Variants in EFCAB8 observed in about 807,000 individuals in gnomAD.
EFCAB8 encodes the protein EF-hand calcium-binding domain-containing protein 8.
A neutral mutation model predicts 116.3 loss-of-function variants in EFCAB8; 100 were observed. The observed-to-expected ratio is 0.86, with a 90% CI of 0.73 to 1.02. The LOEUF is 1.02. Ranked by LOEUF, EFCAB8 falls within the 50% of genes least tolerant of loss-of-function variation. The pLI is 0.00. For missense variants in EFCAB8, 1,320 were observed against 1,416.9 expected (o/e 0.93, Z 1.10); for synonymous variants, 558 against 567.9 (o/e 0.98, Z 0.25).
At chr20:32,925,737 C>T (rs973425067) in intron 20 of EFCAB8, among the ~76,000 whole-genome samples, 2 of 152,234 alleles carry the variant, frequency 1.3e-5, no homozygotes, top group African/African-American at 4.8e-5. Context: ...AAAATTGCTC[C>T]AAGTTACATG....
chr20:32,874,045 C>A lies in EFCAB8; in HGVS notation c.209-1881C>A, dbSNP rs552093560. On this transcript the variant is annotated intron_variant, in intron 3 of 26. Coordinates refer to ENST00000400522, the MANE Select transcript of EFCAB8 (RefSeq NM_001143967.2). ...AAGCAATCCTCCCAGCTCAACCTCC[C>A]CAGTAGTTGGGACTACAGGCATGTG... Among the ~76,000 whole-genome samples the A allele has an allele frequency of 3.0e-4, 46 of 151,984 alleles. 1 individual carries two copies. The highest frequency in any genetic ancestry group is 1.1e-3 in the African/African-American group (45 of 41,366).
chr20:32,918,659 T>C (rs1987314143), intron 19 of EFCAB8, 85 bp downstream of exon 19: 3 of 1,365,106 alleles, frequency 2.2e-6, no homozygotes, highest in Admixed American at 2.0e-5. Flanking sequence ...GTTTTCTTAT[T>C]GGGATGTACT....
intron 4 of EFCAB8, 26 bp downstream of exon 4, chr20:32,876,070 A>C: frequency 6.5e-7 from 1 of 1,540,682 alleles, no homozygotes. Flanking sequence ...CTGCTTCCTC[A>C]GGTGCTGGAG....
chr20:32,926,218 T>G lies in EFCAB8; in HGVS notation c.2413-4180T>G, dbSNP rs537930818. On this transcript the variant is annotated intron_variant, in intron 20 of 26. Coordinates refer to ENST00000400522, the MANE Select transcript of EFCAB8 (RefSeq NM_001143967.2). ...AGACATGGGAGAACTTTGTGGTGCATCACTTTGGTGAATCCTGTGCAGTTA... is the reference window on the plus strand; with the variant it reads ...AGACATGGGAGAACTTTGTGGTGCAGCACTTTGGTGAATCCTGTGCAGTTA... Among the ~76,000 whole-genome samples, 14 of 152,350 alleles carry G rather than the reference T, an allele frequency of 9.2e-5. No homozygotes were observed. In the East Asian group the frequency reaches 2.7e-3, roughly 29 times the overall value.
At chr20:32,922,561 T>G (rs149280550) in intron 20 of EFCAB8, among the ~76,000 whole-genome samples, 1 of 151,710 alleles carries the variant, frequency 6.6e-6, no homozygotes, top group African/African-American at 2.4e-5. Flanking sequence ...TGTCACAGAG[T>G]GAGTGAGGAC....
At chr20:32,930,275 C>T (rs1342694788) in intron 20 of EFCAB8, 123 bp from the exon 21 acceptor site, 7 of 772,250 alleles carry the variant, frequency 9.1e-6, no homozygotes, top group Non-Finnish European at 1.0e-5. Flanking sequence ...CCACCATCAC[C>T]ACTTTCACTG....
At chr20:32,877,207 C>CTTTTTTTTTTTTTT (rs757130907) in intron 4 of EFCAB8, among the ~76,000 whole-genome samples, 16 of 115,052 alleles carry the variant, frequency 1.4e-4, no homozygotes, top group Non-Finnish European at 2.5e-4. Context: ...TTATTTCTTT[C>CTTTTTTTTTTTTTT]TTTTTTTTTT....
At chr20:32,938,487 G>A (rs1988208156) in intron 22 of EFCAB8, among the ~76,000 whole-genome samples, 1 of 149,660 alleles carries the variant, frequency 6.7e-6, no homozygotes, top group African/African-American at 2.5e-5. Flanking sequence ...ATCTATATTG[G>A]GGAGGAAGAA....
chr20:32,872,433 G>A (rs1193723502), intron 3 of EFCAB8, among the ~76,000 whole-genome samples: 1 of 152,160 alleles, frequency 6.6e-6, no homozygotes, highest in Admixed American at 6.5e-5. Flanking sequence ...TGGGGCAACA[G>A]GCTCATGCCT....
intron 20 of EFCAB8, among the ~76,000 whole-genome samples, chr20:32,926,641 C>T (rs900356199): frequency 6.9e-6 from 1 of 144,622 alleles, no homozygotes; most frequent in African/African-American, 2.6e-5. Flanking sequence ...GGTATATCTC[C>T]CAATGCTATC....
chr20:32,928,540 G>A lies in EFCAB8; in HGVS notation c.2413-1858G>A, dbSNP rs574000392. 3.1e-4 allele frequency among the ~76,000 whole-genome samples: 47 copies of A among 152,218 alleles called. No individual in the cohort carries two copies. The South Asian group carries it at 9.1e-3, about 30-fold the overall frequency. ...ATGAGCCACCGCACCCAGCCAATGC[G>A]ACTGATTTTTATGTGTTGACTTTGT... On this transcript the variant is annotated intron_variant, in intron 20 of 26. Transcript: ENST00000400522.
chr20:32,920,503 A>G (rs1987399107), intron 20 of EFCAB8, among the ~76,000 whole-genome samples: 1 of 152,218 alleles, frequency 6.6e-6, no homozygotes, highest in East Asian at 1.9e-4. Context: ...TGGCTGGGGA[A>G]GACCTCACAA....
chr20:32,878,660 A>T, intron 4 of EFCAB8, 44 bp from the exon 5 acceptor site: 1 of 1,489,438 alleles, frequency 6.7e-7, no homozygotes. Context: ...GGCTGAGACC[A>T]TTTTGCCAAT....
chr20:32,860,393 A>AT (rs992704470), intron 1 of EFCAB8, among the ~76,000 whole-genome samples: 22 of 145,936 alleles, frequency 1.5e-4, no homozygotes, highest in African/African-American at 3.4e-4. Context: ...CAGATCATGT[A>AT]TTTTTTTGGC....
chr20:32,878,316 C>T (rs1368858959), intron 4 of EFCAB8, among the ~76,000 whole-genome samples: 1 of 151,766 alleles, frequency 6.6e-6, no homozygotes, highest in African/African-American at 2.4e-5. Flanking sequence ...ATAATCCCAG[C>T]ACTTTGGGAG....
Position 32,961,649 on chromosome 20 carries a change from C to T in EFCAB8, c.*40C>T, listed in dbSNP as rs938963125. ...TTCTCTAGTCCTCCAGCAGGGCAACCAGGCCCATGGCGGTCCTGCATGTTC... is the reference window on the plus strand; with the variant it reads ...TTCTCTAGTCCTCCAGCAGGGCAACTAGGCCCATGGCGGTCCTGCATGTTC... On this transcript the variant is annotated 3_prime_UTR_variant, in exon 27 of 27. Transcript: ENST00000400522. The T allele has an allele frequency of 1.7e-6, 2 of 1,187,536 alleles. No individual in the cohort carries two copies. The highest frequency in any genetic ancestry group is 2.2e-6 in the Non-Finnish European group (2 of 930,014). The allele number at this position is 1,187,536 out of a possible 1,614,324, so 73.6% of individuals were successfully genotyped here.
At chr20:32,889,154 C>T (rs1035553932) in intron 6 of EFCAB8, 147 bp from the exon 7 acceptor site, 2 of 632,522 alleles carry the variant, frequency 3.2e-6, no homozygotes, top group Non-Finnish European at 5.5e-6. Context: ...TTATCCAAGG[C>T]CCCTATCACT....
intron 8 of EFCAB8, 129 bp from the exon 9 acceptor site, chr20:32,893,045 T>G: frequency 1.8e-6 from 2 of 1,100,862 alleles, no homozygotes; most frequent in Admixed American, 4.9e-5. Flanking sequence ...TTCACCACGT[T>G]GGCCAGGCTG....
intron 23 of EFCAB8, among the ~76,000 whole-genome samples, chr20:32,951,889 C>A (rs1449970804): frequency 1.3e-5 from 2 of 152,152 alleles, no homozygotes; most frequent in East Asian, 3.9e-4. Context: ...GATACAAGTT[C>A]TTGATCAGAT....
Sources: allele counts gnomAD v4.1 joint callset (sites outside exome capture counted in the v4.1 genomes callset), GRCh38; gene constraint gnomAD v4.1.1; transcripts MANE v1.5; gene names NCBI Gene and HGNC (gene_info 2026-07-23, HGNC 2026-07-21).